TPRG1: variants seen among roughly 807,000 people sequenced by gnomAD.
TPRG1 encodes the protein tumor protein p63-regulated gene 1 protein.
TPRG1 carries 29 observed loss-of-function variants against 29.3 expected under a neutral mutation model. That is an observed-to-expected ratio of 0.99 (90% CI 0.74 to 1.35). TPRG1 has a LOEUF of 1.35. Ranked by LOEUF, TPRG1 falls within the 40% of genes most tolerant of loss-of-function variation. The pLI is 0.00. For missense variants in TPRG1, 327 were observed against 335.0 expected, an observed-to-expected ratio of 0.98 and a Z score of 0.19; for synonymous variants, 130 against 116.8, an observed-to-expected ratio of 1.11 and a Z score of -0.73.
Position 189,322,033 on chromosome 3 carries a change from C to G in TPRG1, c.*1213C>G, listed in dbSNP as rs1255030822. On this transcript the variant is annotated 3_prime_UTR_variant, in exon 6 of 6. Coordinates refer to ENST00000345063, the MANE Select transcript of TPRG1 (RefSeq NM_198485.4). ...AGGAAATTATCTCATATGTTTGCAT[C>G]TCTCAAGTTTCTTTTCTTTTTTCTT... The G allele has an allele frequency of 6.6e-6, 1 of 151,540 alleles. No individual in the cohort carries two copies. The highest frequency in any genetic ancestry group is 6.6e-5 in the Admixed American group (1 of 15,142). The allele number at this position is 151,540 out of a possible 1,614,324, so 9.4% of individuals were successfully genotyped here.
At chr3:189,141,126 C>T (rs949706713) in intron 3 of TPRG1, among the ~76,000 whole-genome samples, 6 of 152,194 alleles carry the variant, frequency 3.9e-5, no homozygotes, top group Admixed American at 1.3e-4. Flanking sequence ...AGCTGCATGC[C>T]TACAGGTCTC....
chr3:189,109,151 G>GA (rs1480595727), intron 1 of TPRG1, among the ~76,000 whole-genome samples: 1 of 152,074 alleles, frequency 6.6e-6, no homozygotes, highest in Admixed American at 6.6e-5. Flanking sequence ...AGACAGAGCA[G>GA]AGAGAGAGGG....
intron 5 of TPRG1, among the ~76,000 whole-genome samples, 183 bp from the exon 6 acceptor site, chr3:189,320,443 T>C (rs1724187871): frequency 6.6e-6 from 1 of 152,128 alleles, no homozygotes; most frequent in South Asian, 2.1e-4. Flanking sequence ...CTTAATGGAC[T>C]TAAGCACAGT....
At chr3:189,088,372 A>C (rs1189445845) in intron 4 of TPRG1, among the ~76,000 whole-genome samples, 1 of 152,144 alleles carries the variant, frequency 6.6e-6, no homozygotes, top group Admixed American at 6.6e-5. Flanking sequence ...AGACTGCTAA[A>C]GTTGCTTATC....
chr3:189,284,280 C>G (rs1302097871), intron 4 of TPRG1, among the ~76,000 whole-genome samples: 2 of 151,622 alleles, frequency 1.3e-5, no homozygotes, highest in Non-Finnish European at 2.9e-5. Flanking sequence ...ATACATGTGC[C>G]ATGTCGGTGT....
At chr3:189,259,246 G>A (rs1020876559) in intron 4 of TPRG1, among the ~76,000 whole-genome samples, 2 of 151,960 alleles carry the variant, frequency 1.3e-5, no homozygotes, top group Non-Finnish European at 2.9e-5. Context: ...CCTTGGCTAG[G>A]GGAGGGAGTT....
chr3:189,018,154 C>T (rs1268394199), intron 3 of TPRG1, among the ~76,000 whole-genome samples: 37 of 151,480 alleles, frequency 2.4e-4, no homozygotes, highest in Middle Eastern at 6.4e-3. Context: ...GAGTAGGTTG[C>T]GAAAATTTTC....
chr3:189,119,528 C>T (rs1229986847), intron 1 of TPRG1, among the ~76,000 whole-genome samples: 1 of 152,152 alleles, frequency 6.6e-6, no homozygotes, highest in Non-Finnish European at 1.5e-5. Context: ...GTTTCCCCAC[C>T]CAAATCTCAC....
chr3:189,018,287 A>G (rs1428448007), intron 3 of TPRG1, among the ~76,000 whole-genome samples: 21 of 147,810 alleles, frequency 1.4e-4, no homozygotes, highest in East Asian at 4.0e-4. Context: ...TTGGTGTTTT[A>G]GACATGAAGT....
At chr3:189,197,035 C>T (rs1732655380) in intron 1 of TPRG1, among the ~76,000 whole-genome samples, 1 of 152,142 alleles carries the variant, frequency 6.6e-6, no homozygotes, top group South Asian at 2.1e-4. Flanking sequence ...CTGCCTGGCA[C>T]CAGGATTGAT....
chr3:189,103,148 C>T (rs1050951203), intron 1 of TPRG1, among the ~76,000 whole-genome samples: 2 of 152,106 alleles, frequency 1.3e-5, no homozygotes, highest in Non-Finnish European at 2.9e-5. Flanking sequence ...AAACAGCAGC[C>T]CAGTGACCAA....
At chr3:189,279,919 T>C (rs1313797410) in intron 4 of TPRG1, among the ~76,000 whole-genome samples, 1 of 152,168 alleles carries the variant, frequency 6.6e-6, no homozygotes, top group African/African-American at 2.4e-5. Context: ...AAACTGAATG[T>C]AGTCCTTCAG....
At chr3:189,153,816 T>C (rs180823656) in intron 5 of TPRG1, among the ~76,000 whole-genome samples, 2 of 152,318 alleles carry the variant, frequency 1.3e-5, no homozygotes, top group Admixed American at 1.3e-4. Flanking sequence ...CTGACTGATC[T>C]GAGAGACAAG....
chr3:189,031,929 G>A (rs1388382175), intron 4 of TPRG1, among the ~76,000 whole-genome samples: 2 of 152,122 alleles, frequency 1.3e-5, no homozygotes, highest in African/African-American at 4.8e-5. Flanking sequence ...TTGGGAAAGA[G>A]GGTATATTAG....
At chr3:189,217,543 G>A (rs1360197708) in intron 3 of TPRG1, among the ~76,000 whole-genome samples, 1 of 152,136 alleles carries the variant, frequency 6.6e-6, no homozygotes, top group African/African-American at 2.4e-5. Context: ...TCTGCCAAAA[G>A]CCTTTACCTC....
upstream of TPRG1, among the ~76,000 whole-genome samples, chr3:189,170,021 C>G (rs983928172): frequency 6.6e-6 from 1 of 152,140 alleles, no homozygotes; most frequent in Non-Finnish European, 1.5e-5. Flanking sequence ...AGATGGATGC[C>G]GTGTGAACAA....
intron 3 of TPRG1, among the ~76,000 whole-genome samples, chr3:189,231,943 T>TTGTGTGTGTGTGTG (rs10576562): frequency 0.065 from 9,642 of 147,490 alleles, 339 homozygotes; most frequent in Non-Finnish European, 0.091. Flanking sequence ...CAAACCTGGT[T>TTGTGTGTGTGTGTG]TGTGTGTGTG....
At position 189,277,842 on chromosome 3, in the gene TPRG1, C is replaced by T. The variant is rs12485815; in HGVS notation, c.480-32544C>T. Reference sequence around the variant, plus strand: ...GGATGGAAACTGGTGTCTGCTTCAACTTACTCAAAAATGGGGAACTCACTA... The same window carrying T: ...GGATGGAAACTGGTGTCTGCTTCAATTTACTCAAAAATGGGGAACTCACTA... On this transcript the variant is annotated intron_variant, in intron 4 of 5. Transcript: ENST00000345063. Among the ~76,000 whole-genome samples the T allele has an allele frequency of 7.4e-3, 1,123 of 152,258 alleles. 27 individuals are homozygous for T. In the East Asian group the frequency reaches 0.077, roughly 10 times the overall value.
chr3:189,294,231 A>G (rs1379763988), intron 4 of TPRG1, among the ~76,000 whole-genome samples: 2 of 152,162 alleles, frequency 1.3e-5, no homozygotes, highest in African/African-American at 2.4e-5. Context: ...GATAAAAGGG[A>G]AGAGATCAGG....
Sources: allele counts gnomAD v4.1 joint callset (sites outside exome capture counted in the v4.1 genomes callset), GRCh38; gene constraint gnomAD v4.1.1; transcripts MANE v1.5; gene names NCBI Gene and HGNC (gene_info 2026-07-23, HGNC 2026-07-21).